The following FAM124A variants were observed in gnomAD, a reference collection of about 807,000 sequenced individuals.
FAM124A encodes the protein family with sequence similarity 124 member A, also known as protein FAM124A.
FAM124A carries 23 observed loss-of-function variants against 24.5 expected under a neutral mutation model. That is an observed-to-expected ratio of 0.94 (90% CI 0.68 to 1.33). FAM124A has a LOEUF of 1.33. Ranked by LOEUF, FAM124A falls within the 40% of genes most tolerant of loss-of-function variation. The pLI is 0.00. For synonymous variants in FAM124A, 287 were observed against 314.7 expected (o/e 0.91, Z 0.93); for missense variants, 623 against 722.8 (o/e 0.86, Z 1.58).
rs958885393 is a variant in FAM124A at position 51,258,989 on chromosome 13, C to G, written c.834+6788C>G. On this transcript the variant is annotated intron_variant, in intron 3 of 3. Coordinates refer to ENST00000322475, the MANE Select transcript of FAM124A (RefSeq NM_001242312.2). The surrounding 1 kb of genome is among the most constrained non-coding windows in gnomAD (Gnocchi z 4.2). The stretch of plus-strand genomic sequence containing the variant: ...CACAATGGCCTGGGCAGGACGGGGC[C>G]GGGGCAGCCGTCAGGGTTCCGAGCT... 6.6e-6 allele frequency among the ~76,000 whole-genome samples: 1 copy of G among 152,106 alleles called. No individual in the cohort carries two copies. Among genetic ancestry groups the G allele is most frequent in the Non-Finnish European group, 1.5e-5 (1 of 68,014 alleles).
chr13:51,229,827 G>T (rs932591631), intron 1 of FAM124A, among the ~76,000 whole-genome samples: 1 of 152,168 alleles, frequency 6.6e-6, no homozygotes, highest in African/African-American at 2.4e-5. Flanking sequence ...GTTCCAGAAA[G>T]AATTTAATGC....
At position 51,251,311 on chromosome 13, in the gene FAM124A, T is replaced by C. The variant is rs538318520; in HGVS notation, c.101-157T>C. Reference sequence around the variant, plus strand: ...TAAGGTGCTGGCATAGTAGTTTTTATAGGTAAACTTGGGATCAGAAAATCA... The same window carrying C: ...TAAGGTGCTGGCATAGTAGTTTTTACAGGTAAACTTGGGATCAGAAAATCA... On this transcript the variant is annotated intron_variant, in intron 2 of 3. Transcript: ENST00000322475. The surrounding 1 kb of genome is among the most constrained non-coding windows in gnomAD (Gnocchi z 5.3). 1.1e-4 allele frequency among the ~76,000 whole-genome samples: 17 copies of C among 152,350 alleles called. No homozygotes were observed. The highest frequency in any genetic ancestry group is 1.6e-4 in the Non-Finnish European group (11 of 68,014).
In FAM124A at chr13:51,258,544, C is replaced by A. The variant is rs116496079; in HGVS notation, c.834+6343C>A. On this transcript the variant is annotated intron_variant, in intron 3 of 3. Coordinates refer to ENST00000322475, the MANE Select transcript of FAM124A (RefSeq NM_001242312.2). The surrounding 1 kb of genome is among the most constrained non-coding windows in gnomAD (Gnocchi z 4.2). ...TTATGCCAGGCTTCACCTTTCAGAG[C>A]AATGGAGATGGCAGACATGCAAACC... Among the ~76,000 whole-genome samples the A allele has an allele frequency of 0.018, 2,791 of 152,236 alleles. 81 individuals carry two copies. The highest frequency in any genetic ancestry group is 0.063 in the African/African-American group (2,597 of 41,500).
chr13:51,255,723 G>T (rs577500163), intron 3 of FAM124A, among the ~76,000 whole-genome samples: 33 of 145,186 alleles, frequency 2.3e-4, no homozygotes, highest in Admixed American at 8.1e-4. Context: ...CTTAACTGAT[G>T]GCTGCAGTGA....
chr13:51,250,663 G>C (rs1187956407), intron 2 of FAM124A, among the ~76,000 whole-genome samples: 3 of 152,232 alleles, frequency 2.0e-5, no homozygotes, highest in African/African-American at 7.2e-5. Flanking sequence ...GGACACAAAA[G>C]GTAGCCTTTC....
chr13:51,257,506 C>A (rs576253495), intron 3 of FAM124A, among the ~76,000 whole-genome samples: 1 of 152,306 alleles, frequency 6.6e-6, no homozygotes, highest in Admixed American at 6.5e-5. Flanking sequence ...TGCTTATGTG[C>A]GTCATCATAA....
intron 2 of FAM124A, among the ~76,000 whole-genome samples, chr13:51,234,644 C>T (rs890408903): frequency 1.8e-4 from 27 of 152,134 alleles, no homozygotes; most frequent in African/African-American, 6.5e-4. Context: ...CAAGAAACTC[C>T]TCTACAAAGA....
chr13:51,240,597 GTC>G (rs765665700), intron 2 of FAM124A, among the ~76,000 whole-genome samples: 1 of 152,132 alleles, frequency 6.6e-6, no homozygotes, highest in Non-Finnish European at 1.5e-5. Context: ...GAAGTTAGAG[GTC>G]TCTCTATGAG....
chr13:51,280,496 AT>A lies in FAM124A; in HGVS notation c.882del (p.His294GlnfsTer113). ...KKFPKPGRVH[H>X]ASEKKRHSTP... is the part of the protein sequence containing the mutation. ...TTTCCTAAACCTGGCAGAGTACATC[AT>A]GCCTCCGAGAAGAAACGTCATTCCA... is the stretch of plus-strand genomic sequence containing the variant. On this transcript the variant is annotated frameshift_variant, in exon 4 of 4. Transcript: ENST00000322475. LOFTEE classifies it low-confidence loss of function (END_TRUNC). 2 of 1,613,516 alleles carry A rather than the reference AT, an allele frequency of 1.2e-6. No individual in the cohort carries two copies. Among genetic ancestry groups the A allele is most frequent in the Non-Finnish European group, 1.7e-6 (2 of 1,179,730 alleles).
intron 1 of FAM124A, among the ~76,000 whole-genome samples, chr13:51,224,042 C>T (rs1490509479): frequency 1.3e-5 from 2 of 152,186 alleles, no homozygotes; most frequent in African/African-American, 2.4e-5. Context: ...GGGGTGACAT[C>T]GCCCCAGGAT....
At chr13:51,253,952 C>G (rs1290810467) in intron 3 of FAM124A, among the ~76,000 whole-genome samples, 1 of 152,148 alleles carries the variant, frequency 6.6e-6, no homozygotes, top group African/African-American at 2.4e-5. Flanking sequence ...CCTCTCCCCC[C>G]AAGATTCTTG....
In FAM124A at chr13:51,272,443, C is replaced by A. The variant is rs191762974; in HGVS notation, c.835-8007C>A. Reference sequence around the variant, plus strand: ...GGCTAAATGGGAAACAGTGTCTATGCCTAGATGAGAGAGTGGAAAAATTGG... The same window carrying A: ...GGCTAAATGGGAAACAGTGTCTATGACTAGATGAGAGAGTGGAAAAATTGG... On this transcript the variant is annotated intron_variant, in intron 3 of 3. Coordinates refer to ENST00000322475, the MANE Select transcript of FAM124A (RefSeq NM_001242312.2). This position sits in a 1 kb window ranked among gnomAD's most constrained non-coding sequence, Gnocchi z 4.2. Among the ~76,000 whole-genome samples the A allele has an allele frequency of 2.1e-3, 315 of 152,182 alleles. 2 individuals are homozygous for A. Among genetic ancestry groups the A allele is most frequent in the African/African-American group, 7.4e-3 (309 of 41,500 alleles).
rs552180162 is a variant in FAM124A, at chr13:51,251,590, G to C, written c.223G>C (p.Asp75His). Residue 75 changes from aspartate (D) to histidine (H), a missense_variant, in exon 3 of 4, where the codon GAC becomes CAC. Coordinates refer to ENST00000322475, the MANE Select transcript of FAM124A (RefSeq NM_001242312.2). This position sits in a 1 kb window ranked among gnomAD's most constrained non-coding sequence, Gnocchi z 5.3. ...IDNVLAWIHP[D>H]LPLFRVSERR... ...CAACGTCCTGGCGTGGATCCACCCC[G>C]ACCTCCCGCTGTTCCGGGTGTCCGA... 1.3e-6 allele frequency: 2 copies of C among 1,566,164 alleles called. No homozygotes were observed. The highest frequency in any genetic ancestry group is 2.7e-5 in the African/African-American group (2 of 74,148).
chr13:51,223,080 A>G (rs1002421197), intron 1 of FAM124A, among the ~76,000 whole-genome samples: 10 of 149,174 alleles, frequency 6.7e-5, no homozygotes, highest in African/African-American at 2.5e-4. Context: ...CCCCTCCCCG[A>G]CTCCTCCAGT....
At position 51,281,091 on chromosome 13, in the gene FAM124A, G is replaced by C. The variant is rs751391739; in HGVS notation, c.1476G>C (p.Ala492=). ...CCAAAAGGTCTTCCAGCTCCTCAGC[G>C]ACAGCTCGTGCTGCTCCCCCAGCTC... ...FFTKRSSSSS[A]TARAAPPAPS... is the part of the protein sequence containing the mutation. Residue 492 remains alanine (A), a synonymous_variant, in exon 4 of 4, where the codon GCG becomes GCC. Coordinates refer to ENST00000322475, the MANE Select transcript of FAM124A (RefSeq NM_001242312.2). 20 of 1,614,030 alleles carry C rather than the reference G, an allele frequency of 1.2e-5. No homozygotes were observed. Among genetic ancestry groups the C allele is most frequent in the Non-Finnish European group, 1.6e-5 (19 of 1,180,026 alleles).
chr13:51,233,376 T>C (rs1954399829), intron 2 of FAM124A, among the ~76,000 whole-genome samples: 1 of 152,190 alleles, frequency 6.6e-6, no homozygotes, highest in Non-Finnish European at 1.5e-5. Flanking sequence ...TCCCCACTTT[T>C]TAAGGAATTT....
At chr13:51,261,274 A>G (rs1954734239) in intron 3 of FAM124A, among the ~76,000 whole-genome samples, 1 of 152,182 alleles carries the variant, frequency 6.6e-6, no homozygotes, top group South Asian at 2.1e-4. Flanking sequence ...GCACGGGGCT[A>G]GTGCAGAGGG....
chr13:51,234,146 A>T (rs1475812873), intron 2 of FAM124A, among the ~76,000 whole-genome samples: 1 of 152,200 alleles, frequency 6.6e-6, no homozygotes, highest in Non-Finnish European at 1.5e-5. Flanking sequence ...ATCATTCACT[A>T]TTACAAAGTG....
intron 1 of FAM124A, among the ~76,000 whole-genome samples, chr13:51,224,072 C>T (rs1415948244): frequency 6.6e-6 from 1 of 152,192 alleles, no homozygotes; most frequent in Admixed American, 6.5e-5. Flanking sequence ...AGCATGACAG[C>T]GGCCAGGCCT....
Sources: gnomAD v4.1 joint callset for allele counts (sites outside exome capture counted in the v4.1 genomes callset) on GRCh38, gnomAD v4.1.1 for gene constraint, Gnocchi (gnomAD v3.1) non-coding constraint, MANE v1.5 for transcripts, NCBI Gene and HGNC (gene_info 2026-07-23, HGNC 2026-07-21) for gene names.